RAPH1: variants seen among roughly 807,000 people sequenced by gnomAD.
The protein encoded by RAPH1 is Ras association (RalGDS/AF-6) and pleckstrin homology domains 1.
A neutral mutation model predicts 88.1 loss-of-function variants in RAPH1; 18 were observed. That is an observed-to-expected ratio of 0.20 (90% CI 0.14 to 0.30). The LOEUF is 0.30. RAPH1 is among the 10% of genes least tolerant of loss of function. The probability of loss-of-function intolerance (pLI) is 1.00; values close to 1 mark genes in which losing one functional copy is unlikely to be tolerated. For synonymous variants in RAPH1, 587 were observed against 559.0 expected (o/e 1.05, Z -0.71); for missense variants, 1,448 against 1,543.2 (o/e 0.94, Z 1.03).
At position 203,436,196 on chromosome 2, in the gene RAPH1, G is replaced by A. The variant is rs1475810009; in HGVS notation, c.*3241C>T. 6.6e-6 allele frequency: 1 copy of A among 152,174 alleles called. No individual in the cohort carries two copies. Among genetic ancestry groups the A allele is most frequent in the Non-Finnish European group, 1.5e-5 (1 of 68,030 alleles). The allele number at this position is 152,174 out of a possible 1,614,324, so 9.4% of individuals were successfully genotyped here. A position where few individuals can be genotyped will look rare whatever the true frequency, so the allele number is the denominator to read the frequency against. On this transcript the variant is annotated 3_prime_UTR_variant, in exon 14 of 14. Coordinates refer to ENST00000319170, the MANE Select transcript of RAPH1 (RefSeq NM_213589.3). ...TTTGCAGGATATGCCTTTGGTGGGT[G>A]GGAGCACCTAGATTTTAGAGGACTA... is the stretch of plus-strand genomic sequence containing the variant.
intron 4 of RAPH1, among the ~76,000 whole-genome samples, chr2:203,467,643 C>T (rs1235989637): frequency 6.6e-6 from 1 of 152,056 alleles, no homozygotes; most frequent in Admixed American, 6.6e-5. Flanking sequence ...TACAGGAGGA[C>T]TTTTCATGTC....
chr2:203,457,790 C>T (rs569058494), intron 7 of RAPH1, among the ~76,000 whole-genome samples, 195 bp from the exon 8 acceptor site: 1 of 152,184 alleles, frequency 6.6e-6, no homozygotes, highest in East Asian at 1.9e-4. Context: ...CACTAAAATG[C>T]TTAACACCAG....
intron 1 of RAPH1, among the ~76,000 whole-genome samples, chr2:203,529,740 A>G (rs1387447635): frequency 6.6e-6 from 1 of 152,188 alleles, no homozygotes; most frequent in Non-Finnish European, 1.5e-5. Context: ...TTACAGTCCA[A>G]TTTTTGCTAG....
At chr2:203,520,208 T>C (rs1410301606) in intron 1 of RAPH1, among the ~76,000 whole-genome samples, 3 of 151,906 alleles carry the variant, frequency 2.0e-5, no homozygotes, top group African/African-American at 4.8e-5. Context: ...GGCAACCACC[T>C]GTGGTCTCAG....
At chr2:203,461,644 TAGG>T (rs1299135430) in intron 5 of RAPH1, among the ~76,000 whole-genome samples, 2 of 152,364 alleles carry the variant, frequency 1.3e-5, no homozygotes, top group African/African-American at 4.8e-5. Context: ...ATTACTCCTT[TAGG>T]AGAATTCAGA....
intron 1 of RAPH1, among the ~76,000 whole-genome samples, chr2:203,515,148 C>T (rs1431547937): frequency 6.6e-6 from 1 of 152,048 alleles, no homozygotes; most frequent in East Asian, 1.9e-4. Flanking sequence ...AACTGACATT[C>T]ACAGTCTCAG....
rs1488752856 is a variant in RAPH1 at position 203,436,662 on chromosome 2, A to G, written c.*2775T>C. The G allele has an allele frequency of 6.6e-6, 1 of 152,232 alleles. No individual in the cohort carries two copies. Among genetic ancestry groups the G allele is most frequent in the Non-Finnish European group, 1.5e-5 (1 of 68,054 alleles). 9.4% of individuals were successfully genotyped at this position (152,232 alleles called of 1,614,324 possible). ...CAGGATGAGTTAATCCATGCTGTTCACTTTTCAGTACAGCCAAGTCAACTG... is the reference window on the plus strand; with the variant it reads ...CAGGATGAGTTAATCCATGCTGTTCGCTTTTCAGTACAGCCAAGTCAACTG... On this transcript the variant is annotated 3_prime_UTR_variant, in exon 14 of 14. Transcript: ENST00000319170.
chr2:203,506,869 T>TATAG lies in RAPH1; in HGVS notation c.1-11517_1-11516insCTAT, dbSNP rs1689096210. Among the ~76,000 whole-genome samples, 5 of 106,712 alleles carry TATAG rather than the reference T, an allele frequency of 4.7e-5. 2 individuals are homozygous for TATAG. The highest frequency in any genetic ancestry group is 9.4e-5 in the African/African-American group (2 of 21,180). 70.0% of individuals were successfully genotyped at this position (106,712 alleles called of 152,430 possible). A position where few individuals can be genotyped will look rare whatever the true frequency, so the allele number is the denominator to read the frequency against. On this transcript the variant is annotated intron_variant, in intron 1 of 13. Coordinates refer to ENST00000319170, the MANE Select transcript of RAPH1 (RefSeq NM_213589.3). ...ATCTATCTATATCTATATATATATA[T>TATAG]ATATATATATAGATATATATATATA... is the stretch of plus-strand genomic sequence containing the variant.
At chr2:203,518,245 G>C (rs1260660721) in intron 1 of RAPH1, among the ~76,000 whole-genome samples, 1 of 152,176 alleles carries the variant, frequency 6.6e-6, no homozygotes, top group Non-Finnish European at 1.5e-5. Context: ...GCTGGGCACA[G>C]TGGTGCACAC....
At chr2:203,471,816 TAAAAAA>T (rs1187672209) in intron 4 of RAPH1, among the ~76,000 whole-genome samples, 1 of 85,678 alleles carries the variant, frequency 1.2e-5, no homozygotes, top group South Asian at 4.1e-4. Context: ...ACCCATTCTT[TAAAAAA>T]AAAAAAAGAA....
intron 10 of RAPH1, among the ~76,000 whole-genome samples, chr2:203,450,633 T>A (rs1238771877): frequency 6.6e-6 from 1 of 152,222 alleles, no homozygotes; most frequent in Non-Finnish European, 1.5e-5. Context: ...ACAAAAGCCA[T>A]AGTTTGTGCA....
In RAPH1 at chr2:203,506,981, C is replaced by T. The variant is rs183651805; in HGVS notation, c.1-11628G>A. 1.1e-3 allele frequency among the ~76,000 whole-genome samples: 168 copies of T among 146,434 alleles called. 2 individuals are homozygous for T. Among genetic ancestry groups the T allele is most frequent in the Admixed American group, 7.4e-3 (107 of 14,420 alleles). On this transcript the variant is annotated intron_variant, in intron 1 of 13. Transcript: ENST00000319170. Reference sequence around the variant, plus strand: ...GCACAATCTCAACTCATTGCAACCTCCACCTCCCAGGTTCAAGCGATTCTC... The same window carrying T: ...GCACAATCTCAACTCATTGCAACCTTCACCTCCCAGGTTCAAGCGATTCTC...
In RAPH1 at chr2:203,448,033, G is replaced by C. The variant is rs1027656812; in HGVS notation, c.1559C>G (p.Thr520Arg). Residue 520 changes from threonine to arginine, a missense_variant, in exon 12 of 14, where the codon ACA (threonine) becomes AGA (arginine). Thr to Arg is a moderately conservative substitution (Grantham distance 71). This residue lies in a region of RAPH1 where 513 missense variants were observed against 653.1 expected (regional missense o/e 0.79). Transcript: ENST00000319170. The surrounding 1 kb of genome is among the most constrained non-coding windows in gnomAD (Gnocchi z 4.1). The stretch of plus-strand genomic sequence containing the variant: ...GGAAGTCCAATCATAGGCTGACTCT[G>C]TCCTCTTCAAGGCTTCTTGGTAGTT... ...YMNYQEALKR[T>R]ESAYDWTSLS... 1 of 1,613,646 alleles carries C rather than the reference G, an allele frequency of 6.2e-7. No individual in the cohort carries two copies. Among genetic ancestry groups the C allele is most frequent in the African/African-American group, 1.3e-5 (1 of 74,922 alleles).
At chr2:203,459,775 C>A in intron 7 of RAPH1, 132 bp downstream of exon 7, 1 of 890,062 alleles carries the variant, frequency 1.1e-6, no homozygotes, top group African/African-American at 1.7e-5. Context: ...GTAGATGATG[C>A]TCCTATAGGA....
chr2:203,475,073 T>C (rs2105755192), intron 4 of RAPH1, among the ~76,000 whole-genome samples: 1 of 152,124 alleles, frequency 6.6e-6, no homozygotes, highest in African/African-American at 2.4e-5. Flanking sequence ...ATGGCACCAC[T>C]GTACTACAGC....
intron 4 of RAPH1, among the ~76,000 whole-genome samples, chr2:203,473,214 A>G (rs1364998729): frequency 2.0e-5 from 3 of 152,196 alleles, no homozygotes; most frequent in African/African-American, 2.4e-5. Flanking sequence ...TGAGCCCAGG[A>G]GCTTAAGGCT....
intron 1 of RAPH1, among the ~76,000 whole-genome samples, chr2:203,529,770 T>C (rs1163844599): frequency 1.3e-5 from 2 of 152,224 alleles, no homozygotes; most frequent in Non-Finnish European, 2.9e-5. Context: ...TTCTTCACCA[T>C]GGGGCTTAAA....
intron 1 of RAPH1, among the ~76,000 whole-genome samples, chr2:203,504,811 T>G (rs1310245335): frequency 6.6e-6 from 1 of 152,220 alleles, no homozygotes; most frequent in Non-Finnish European, 1.5e-5. Context: ...CTTTGAAATT[T>G]CTTCCATCAG....
chr2:203,497,015 C>T (rs140359288), intron 1 of RAPH1, among the ~76,000 whole-genome samples: 2,102 of 152,246 alleles, frequency 0.014, 26 homozygotes, highest in Middle Eastern at 0.024. Flanking sequence ...TTAATGTGTC[C>T]CTTCCAAAAC....
Sources: allele counts gnomAD v4.1 joint callset (sites outside exome capture counted in the v4.1 genomes callset), GRCh38; gene constraint gnomAD v4.1.1; regional missense constraint gnomAD v4.1.1; non-coding constraint Gnocchi (gnomAD v3.1); transcripts MANE v1.5; gene names NCBI Gene and HGNC (gene_info 2026-07-23, HGNC 2026-07-21).